Variants in MLLT10 observed in about 807,000 individuals in gnomAD.
The protein encoded by MLLT10 is MLLT10 histone lysine methyltransferase DOT1L cofactor, also known as protein AF-10.
A neutral mutation model predicts 129.1 loss-of-function variants in MLLT10; 30 were observed. That is an observed-to-expected ratio of 0.23 (90% CI 0.17 to 0.32). The LOEUF (loss-of-function observed/expected upper bound fraction) is 0.32. Among genes scored for constraint, MLLT10 ranks in the 10% least tolerant of loss-of-function variants. The probability of loss-of-function intolerance (pLI) is 1.00; values close to 1 mark genes in which losing one functional copy is unlikely to be tolerated. For synonymous variants in MLLT10, 490 were observed against 446.4 expected (o/e 1.10, Z -1.23); for missense variants, 1,119 against 1,268.3 (o/e 0.88, Z 1.79).
chr10:21,651,869 T>C (rs2049066753), intron 9 of MLLT10, 101 bp downstream of exon 9: 1 of 556,220 alleles, frequency 1.8e-6, no homozygotes, highest in East Asian at 3.4e-5. Context: ...TCCCAGCTTT[T>C]CAACCACATA....
intron 3 of MLLT10, among the ~76,000 whole-genome samples, chr10:21,555,070 C>T (rs1001667096): frequency 1.3e-5 from 2 of 152,042 alleles, no homozygotes; most frequent in Non-Finnish European, 2.9e-5. Flanking sequence ...ATCCACCCGC[C>T]TTGGCCTCCC....
At chr10:21,648,379 A>G (rs549326852) in intron 8 of MLLT10, among the ~76,000 whole-genome samples, 7 of 152,072 alleles carry the variant, frequency 4.6e-5, no homozygotes, top group Non-Finnish European at 7.4e-5. Context: ...TTACATCTCT[A>G]TATTGTATGT....
chr10:21,570,895 T>A (rs1233085791), intron 3 of MLLT10, among the ~76,000 whole-genome samples: 1 of 152,136 alleles, frequency 6.6e-6, no homozygotes, highest in Non-Finnish European at 1.5e-5. Flanking sequence ...ATTGACTTTT[T>A]AGCCACTGTG....
Position 21,602,017 on chromosome 10 carries a change from T to A in MLLT10, c.405+6577T>A, listed in dbSNP as rs114411322. 2.0e-3 allele frequency among the ~76,000 whole-genome samples: 307 copies of A among 152,276 alleles called. 1 individual carries two copies. Among genetic ancestry groups the A allele is most frequent in the African/African-American group, 7.0e-3 (289 of 41,560 alleles). The stretch of plus-strand genomic sequence containing the variant: ...GGTATTAAAATAAGACAGGTCAAAT[T>A]TGAGAAATCTGTGATTCTACAGGTT... On this transcript the variant is annotated intron_variant, in intron 5 of 22. Coordinates refer to ENST00000307729, the MANE Select transcript of MLLT10 (RefSeq NM_001195626.3).
intron 9 of MLLT10, among the ~76,000 whole-genome samples, chr10:21,653,718 T>TA (rs1188302690): frequency 7.2e-5 from 11 of 152,204 alleles, no homozygotes; most frequent in Non-Finnish European, 1.3e-4. Context: ...CTACCACAGA[T>TA]ACGTTGGCGT....
chr10:21,651,770 T>C lies in MLLT10; in HGVS notation c.795+2T>C, dbSNP rs2049050406. The C allele has an allele frequency of 6.3e-7, 1 of 1,589,664 alleles. No individual in the cohort carries two copies. The highest frequency in any genetic ancestry group is 1.3e-5 in the African/African-American group (1 of 74,258). On this transcript the variant is annotated splice_donor_variant, in intron 9 of 22. Transcript: ENST00000307729. LOFTEE classifies it high-confidence loss of function. ...TCCTTGACTGTTACTACAGAAAAAG[T>C]AAGTTTTAAGTATCATATTTTGTTT...
chr10:21,648,253 C>T (rs1046764786), intron 8 of MLLT10, among the ~76,000 whole-genome samples: 7 of 152,188 alleles, frequency 4.6e-5, no homozygotes, highest in Non-Finnish European at 8.8e-5. Context: ...TGGATATAAG[C>T]CATGCACAGT....
chr10:21,670,381 A>G, intron 9 of MLLT10, 68 bp from the exon 10 acceptor site: 1 of 1,436,450 alleles, frequency 7.0e-7, no homozygotes, highest in South Asian at 1.5e-5. Context: ...TTAATGTGGC[A>G]CCCATTGTTT....
chr10:21,682,485 A>G (rs560543373), intron 13 of MLLT10, among the ~76,000 whole-genome samples: 76 of 152,354 alleles, frequency 5.0e-4, no homozygotes, highest in African/African-American at 1.7e-3. Flanking sequence ...TTAAGGCAAA[A>G]TGATAATAGT....
At chr10:21,595,508 T>A in intron 5 of MLLT10, 68 bp downstream of exon 5, 2 of 1,263,478 alleles carry the variant, frequency 1.6e-6, no homozygotes, top group Non-Finnish European at 2.2e-6. Flanking sequence ...AGTTTTTGTG[T>A]TTTTAAAATC....
rs377421025 is a variant in MLLT10 at position 21,586,072 on chromosome 10, A to G, written c.241-222A>G. On this transcript the variant is annotated intron_variant, in intron 3 of 22. Transcript: ENST00000307729. Reference sequence around the variant, plus strand: ...CCACCGCGCCTGGCCCATGGCAGGAATTTAAAAGTTAAAATGTACTTTAAA... The same window carrying G: ...CCACCGCGCCTGGCCCATGGCAGGAGTTTAAAAGTTAAAATGTACTTTAAA... Among the ~76,000 whole-genome samples, 4 of 152,298 alleles carry G rather than the reference A, an allele frequency of 2.6e-5. No individual in the cohort carries two copies. The East Asian group carries it at 7.7e-4, about 29-fold the overall frequency.
Position 21,673,403 on chromosome 10 carries a change from C to G in MLLT10, c.1105C>G (p.Gln369Glu). The change falls in exon 11 of 23, where the codon CAG becomes GAG. Residue 369 changes from glutamine to glutamate, a missense_variant. Gln to Glu is a conservative substitution (Grantham distance 29, BLOSUM62 2). This residue lies in a region of MLLT10 where 1,004 missense variants were observed against 1,008.7 expected (regional missense o/e 1.00). Transcript: ENST00000307729. ...AAAGTCATCTTCTGGAAGTTCAGTG[C>G]AGTCTCCCCAGGATTTCCTGAGCTT... The part of the protein sequence containing the change: ...SVKSSSGSSV[Q>E]SPQDFLSFTD... 1 of 1,550,658 alleles carries G rather than the reference C, an allele frequency of 6.4e-7. No homozygotes were observed. The highest frequency in any genetic ancestry group is 8.7e-7 in the Non-Finnish European group (1 of 1,145,136).
chr10:21,671,674 A>G (rs897479638), intron 10 of MLLT10, among the ~76,000 whole-genome samples: 1 of 152,108 alleles, frequency 6.6e-6, no homozygotes, highest in African/African-American at 2.4e-5. Context: ...AGTCCCAGCT[A>G]CTTCAGAGGC....
chr10:21,556,728 A>AC (rs1313152824), intron 3 of MLLT10: 6 of 1,611,376 alleles, frequency 3.7e-6, no homozygotes, highest in African/African-American at 2.7e-5. Flanking sequence ...GCATCTCCCC[A>AC]CCCCCGATGC....
intron 3 of MLLT10, among the ~76,000 whole-genome samples, chr10:21,544,399 A>G (rs943472035): frequency 6.6e-6 from 1 of 152,162 alleles, no homozygotes; most frequent in Admixed American, 6.6e-5. Context: ...ATGGTGAGAC[A>G]ATAGGGTCAA....
intron 11 of MLLT10, among the ~76,000 whole-genome samples, chr10:21,679,601 C>T (rs951943740): frequency 1.3e-5 from 2 of 152,066 alleles, no homozygotes; most frequent in Non-Finnish European, 2.9e-5. Context: ...TAATGGAACA[C>T]GAGGCATAAA....
chr10:21,720,928 T>G (rs2057086517), intron 14 of MLLT10, among the ~76,000 whole-genome samples: 1 of 152,236 alleles, frequency 6.6e-6, no homozygotes, highest in African/African-American at 2.4e-5. Flanking sequence ...TATCCTCATT[T>G]TCCAGATGGA....
intron 3 of MLLT10, chr10:21,556,593 G>T: frequency 6.9e-7 from 1 of 1,452,310 alleles, no homozygotes; most frequent in South Asian, 1.2e-5. Flanking sequence ...GTGAGAGCCA[G>T]TTACGCGTTA....
chr10:21,658,047 C>T (rs1215008549), intron 9 of MLLT10, among the ~76,000 whole-genome samples: 1 of 151,878 alleles, frequency 6.6e-6, no homozygotes, highest in African/African-American at 2.4e-5. Context: ...AAAAGTTAAG[C>T]TTTTTTAAAA....
Sources: allele counts gnomAD v4.1 joint callset (sites outside exome capture counted in the v4.1 genomes callset), GRCh38; gene constraint gnomAD v4.1.1; regional missense constraint gnomAD v4.1.1; transcripts MANE v1.5; gene names NCBI Gene and HGNC (gene_info 2026-07-23, HGNC 2026-07-21).